Variants in SH2D4B observed in about 807,000 individuals in gnomAD.
SH2D4B encodes SH2 domain-containing protein 4B.
In SH2D4B, 45 loss-of-function variants were observed where a neutral mutation model predicts 61.5. That is an observed-to-expected ratio of 0.73 (90% confidence interval 0.58 to 0.94). SH2D4B has a LOEUF of 0.94. SH2D4B is among the 40% of genes least tolerant of loss of function. The pLI is 0.00. For missense variants in SH2D4B, 572 were observed against 574.2 expected (o/e 1.00, Z 0.04); for synonymous variants, 224 against 220.4 (o/e 1.02, Z -0.14).
At chr10:80,600,969 C>T (rs546881982) in intron 4 of SH2D4B, among the ~76,000 whole-genome samples, 5 of 152,232 alleles carry the variant, frequency 3.3e-5, no homozygotes, top group African/African-American at 9.6e-5. Context: ...TGGAGCCTTT[C>T]GTCACAATAC....
intron 3 of SH2D4B, among the ~76,000 whole-genome samples, chr10:80,580,129 C>T (rs952043431): frequency 6.6e-6 from 1 of 152,160 alleles, no homozygotes; most frequent in Admixed American, 6.5e-5. Context: ...ATGAGGATGC[C>T]TTTGTCACCT....
At chr10:80,615,074 G>A (rs145372177) in intron 6 of SH2D4B, among the ~76,000 whole-genome samples, 1 of 152,376 alleles carries the variant, frequency 6.6e-6, no homozygotes, top group African/African-American at 2.4e-5. Flanking sequence ...GAGTGGGAAT[G>A]GAGTTGGGGC....
In SH2D4B at chr10:80,645,816, AACTC is replaced by A. The variant is rs1353255134; in HGVS notation, c.*1737_*1740del. The A allele has an allele frequency of 6.6e-6, 1 of 152,176 alleles. No individual in the cohort carries two copies. The highest frequency in any genetic ancestry group is 1.5e-5 in the Non-Finnish European group (1 of 68,034). The allele number at this position is 152,176 out of a possible 1,614,324, so 9.4% of individuals were successfully genotyped here. ...AAGTGTTCAATAATATCAATTTTGC[AACTC>A]ACTCAGCTCCATGGCTTCCCCCGGT... On this transcript the variant is annotated 3_prime_UTR_variant, in exon 8 of 8. Transcript: ENST00000646907.
At chr10:80,549,349 G>T (rs571683702) in intron 1 of SH2D4B, among the ~76,000 whole-genome samples, 1 of 152,326 alleles carries the variant, frequency 6.6e-6, no homozygotes, top group East Asian at 1.9e-4. Context: ...TGGCCCTGCC[G>T]TGCAGTGGGT....
intron 4 of SH2D4B, 61 bp from the exon 5 acceptor site, chr10:80,603,518 C>A (rs1842475875): frequency 1.4e-6 from 2 of 1,403,964 alleles, no homozygotes; most frequent in African/African-American, 1.4e-5. Flanking sequence ...CCTGTCCCAG[C>A]TGGCGCAGTG....
chr10:80,601,450 C>A (rs960181528), intron 4 of SH2D4B, among the ~76,000 whole-genome samples: 7 of 152,228 alleles, frequency 4.6e-5, no homozygotes, highest in African/African-American at 1.7e-4. Flanking sequence ...ACTGTTATCT[C>A]TGTATCCAAC....
At chr10:80,590,233 G>T (rs1425950506) in intron 4 of SH2D4B, among the ~76,000 whole-genome samples, 1 of 152,190 alleles carries the variant, frequency 6.6e-6, no homozygotes, top group African/African-American at 2.4e-5. Flanking sequence ...GAGCTCTTGG[G>T]TGTAGGGGCT....
chr10:80,541,535 T>C (rs1841578645), intron 1 of SH2D4B, among the ~76,000 whole-genome samples: 1 of 151,998 alleles, frequency 6.6e-6, no homozygotes, highest in Non-Finnish European at 1.5e-5. Flanking sequence ...CAGCCTAGAG[T>C]GACACTGGGC....
Position 80,564,733 on chromosome 10 carries a change from AACAAT to A in SH2D4B, c.185-5420_185-5416del, listed in dbSNP as rs1564769399. 2.6e-5 allele frequency among the ~76,000 whole-genome samples: 4 copies of A among 152,224 alleles called. No individual in the cohort carries two copies. The East Asian group carries it at 7.7e-4, about 29-fold the overall frequency. On this transcript the variant is annotated intron_variant, in intron 1 of 7. Coordinates refer to ENST00000646907, the MANE Select transcript of SH2D4B (RefSeq NM_001388272.1). ...TGTTGAGTGTCTAATAAGCATGTCA[AACAAT>A]TTGGCCAAAACAGAATATTGATATC...
At chr10:80,602,770 T>C (rs1842465406) in intron 4 of SH2D4B, among the ~76,000 whole-genome samples, 1 of 152,190 alleles carries the variant, frequency 6.6e-6, no homozygotes, top group Non-Finnish European at 1.5e-5. Flanking sequence ...ATGAATAACA[T>C]GAGGAGGTTG....
At chr10:80,639,410 G>A (rs1840248742) in intron 7 of SH2D4B, among the ~76,000 whole-genome samples, 1 of 152,164 alleles carries the variant, frequency 6.6e-6, no homozygotes, top group Admixed American at 6.5e-5. Context: ...TTATTATTGT[G>A]TGGGAGTCTA....
chr10:80,564,467 G>T (rs1244232853), intron 1 of SH2D4B, among the ~76,000 whole-genome samples: 3 of 152,108 alleles, frequency 2.0e-5, no homozygotes, highest in South Asian at 2.1e-4. Flanking sequence ...GCACTCACAG[G>T]TTATTCTCCT....
chr10:80,542,446 G>A (rs1405143692), intron 1 of SH2D4B, among the ~76,000 whole-genome samples: 1 of 145,564 alleles, frequency 6.9e-6, no homozygotes, highest in Non-Finnish European at 1.5e-5. Context: ...TGCTCAGGCT[G>A]AAGTGCAGTG....
chr10:80,635,892 G>A (rs1255558988), intron 7 of SH2D4B, among the ~76,000 whole-genome samples: 2 of 152,076 alleles, frequency 1.3e-5, no homozygotes, highest in African/African-American at 4.8e-5. Context: ...TTAGTTTGCT[G>A]CACCCATTAA....
chr10:80,566,758 T>C (rs1248017676), intron 1 of SH2D4B, among the ~76,000 whole-genome samples: 1 of 152,170 alleles, frequency 6.6e-6, no homozygotes, highest in Non-Finnish European at 1.5e-5. Flanking sequence ...TACCCATTTT[T>C]TGCTGCTTTA....
chr10:80,585,244 AC>A (rs1842229673), intron 3 of SH2D4B, among the ~76,000 whole-genome samples: 1 of 152,100 alleles, frequency 6.6e-6, no homozygotes, highest in Non-Finnish European at 1.5e-5. Flanking sequence ...TCAGGAAGAG[AC>A]CAGACACCTG....
chr10:80,622,134 G>C (rs1213818964), intron 6 of SH2D4B, among the ~76,000 whole-genome samples: 1 of 151,088 alleles, frequency 6.6e-6, no homozygotes, highest in Non-Finnish European at 1.5e-5. Flanking sequence ...TCCCTCCCCT[G>C]CCCACCCCCA....
At chr10:80,632,799 C>T (rs1199269212) in intron 6 of SH2D4B, among the ~76,000 whole-genome samples, 8 of 152,132 alleles carry the variant, frequency 5.3e-5, no homozygotes, top group Middle Eastern at 3.4e-3. Flanking sequence ...GGGGAAGCAG[C>T]GGGGTGCATC....
Position 80,603,653 on chromosome 10 carries a change from T to TCGCTC in SH2D4B, c.721_725dup (p.Ala243SerfsTer104), listed in dbSNP as rs772975370. The TCGCTC allele has an allele frequency of 6.2e-7, 1 of 1,605,952 alleles. No individual in the cohort carries two copies. Among genetic ancestry groups the TCGCTC allele is most frequent in the South Asian group, 1.1e-5 (1 of 89,388 alleles). ...CGCCCGGGACGAGTACCGACACCAC[T>TCGCTC]CGCTCCGTGCTATCCAGAAGGGCAC... On this transcript the variant is annotated frameshift_variant, in exon 5 of 8. Coordinates refer to ENST00000646907, the MANE Select transcript of SH2D4B (RefSeq NM_001388272.1). LOFTEE classifies it high-confidence loss of function.
Sources: allele counts gnomAD v4.1 joint callset (sites outside exome capture counted in the v4.1 genomes callset), GRCh38; gene constraint gnomAD v4.1.1; transcripts MANE v1.5; gene names NCBI Gene and HGNC (gene_info 2026-07-23, HGNC 2026-07-21).